The following REEP1 variants were observed in gnomAD, a reference collection of about 807,000 sequenced individuals.
The protein encoded by REEP1 is receptor expression-enhancing protein 1.
In REEP1, 22 loss-of-function variants were observed where a neutral mutation model predicts 40.3. That is an observed-to-expected ratio of 0.55 (90% CI 0.39 to 0.78). The LOEUF is 0.78. Among genes scored for constraint, REEP1 ranks in the 30% least tolerant of loss-of-function variants. The pLI, the probability that REEP1 is intolerant of heterozygous loss-of-function variation, is 0.00. For missense variants in REEP1, 280 were observed against 361.1 expected (o/e 0.78, Z 1.82); for synonymous variants, 116 against 139.2 (o/e 0.83, Z 1.17).
intron 5 of REEP1, among the ~76,000 whole-genome samples, chr2:86,242,256 C>A (rs1310964579): frequency 6.6e-6 from 1 of 152,182 alleles, no homozygotes. Context: ...AAGCAGGGAG[C>A]TGGGACTTTT....
At chr2:86,333,911 G>C (rs1297754679) in intron 1 of REEP1, among the ~76,000 whole-genome samples, 1 of 152,212 alleles carries the variant, frequency 6.6e-6, no homozygotes, top group Non-Finnish European at 1.5e-5. Context: ...AGGAGAAAGA[G>C]AGCTGGCAAG....
intron 5 of REEP1, among the ~76,000 whole-genome samples, chr2:86,240,975 G>T (rs1042379490): frequency 8.5e-5 from 13 of 152,230 alleles, no homozygotes; most frequent in Admixed American, 8.5e-4. Context: ...TGGATGGGAG[G>T]TGAGGAGTGG....
intron 2 of REEP1, chr2:86,280,109 C>G: frequency 2.2e-6 from 1 of 449,772 alleles, no homozygotes; most frequent in Non-Finnish European, 4.5e-6. Context: ...TAAGGAAACT[C>G]GCAGGTTTCT....
At chr2:86,279,108 G>A (rs1210001336) in intron 2 of REEP1, among the ~76,000 whole-genome samples, 1 of 152,286 alleles carries the variant, frequency 6.6e-6, no homozygotes, top group East Asian at 1.9e-4. Context: ...ACTTCTAGGG[G>A]AATGTGTGTC....
intron 8 of REEP1, among the ~76,000 whole-genome samples, chr2:86,219,116 A>T (rs1474923185): frequency 1.3e-5 from 2 of 152,164 alleles, no homozygotes; most frequent in Non-Finnish European, 2.9e-5. Flanking sequence ...CCAGAACTCC[A>T]TCCACATCCT....
At chr2:86,278,974 A>G (rs950246242) in intron 2 of REEP1, among the ~76,000 whole-genome samples, 1 of 152,202 alleles carries the variant, frequency 6.6e-6, no homozygotes, top group African/African-American at 2.4e-5. Context: ...AAATGTCTTG[A>G]GCAATGTTTC....
chr2:86,264,926 G>C (rs558611181), intron 2 of REEP1, among the ~76,000 whole-genome samples: 148 of 152,312 alleles, frequency 9.7e-4, no homozygotes, highest in African/African-American at 3.4e-3. Flanking sequence ...ATGGGGCAGA[G>C]AGAACTCAAT....
chr2:86,320,909 C>T (rs1680247483), intron 1 of REEP1, among the ~76,000 whole-genome samples: 1 of 152,236 alleles, frequency 6.6e-6, no homozygotes, highest in Admixed American at 6.5e-5. Context: ...ACCTCCGCCT[C>T]CTGGGTTCAA....
chr2:86,227,687 C>T (rs528883616), intron 6 of REEP1, among the ~76,000 whole-genome samples: 1 of 152,336 alleles, frequency 6.6e-6, no homozygotes, highest in African/African-American at 2.4e-5. Flanking sequence ...TGGAAAATAA[C>T]TCCAAGCACC....
At chr2:86,263,853 C>A (rs913615730) in intron 3 of REEP1, 112 bp downstream of exon 3, 5 of 788,304 alleles carry the variant, frequency 6.3e-6, no homozygotes, top group Non-Finnish European at 9.2e-6. Context: ...CCTGCTCTTG[C>A]GTCTCTGGCC....
At chr2:86,221,777 G>A (rs1351093074) in intron 7 of REEP1, among the ~76,000 whole-genome samples, 1 of 152,156 alleles carries the variant, frequency 6.6e-6, no homozygotes, top group Non-Finnish European at 1.5e-5. Flanking sequence ...AGTCATCTCA[G>A]AGAGCTCAGC....
chr2:86,272,638 G>A (rs531394788), intron 2 of REEP1, among the ~76,000 whole-genome samples: 13 of 152,220 alleles, frequency 8.5e-5, no homozygotes, highest in Admixed American at 1.3e-4. Context: ...CCTAACACAG[G>A]TAACCAATCC....
intron 2 of REEP1, among the ~76,000 whole-genome samples, chr2:86,278,728 G>T (rs144607566): frequency 1.1e-3 from 161 of 152,284 alleles, no homozygotes; most frequent in African/African-American, 3.8e-3. Flanking sequence ...AGCACAAGCA[G>T]CCAGTGCCCA....
In REEP1 at chr2:86,214,047, A is replaced by G. The variant is rs1389603793; in HGVS notation, c.*2992T>C. On this transcript the variant is annotated 3_prime_UTR_variant, in exon 9 of 9. Transcript: ENST00000538924. Reference sequence around the variant, plus strand: ...TTCAAGATGTGTATCAGGCATTATAACAAAACAGCAGAACTTCAACCTTTG... The same window carrying G: ...TTCAAGATGTGTATCAGGCATTATAGCAAAACAGCAGAACTTCAACCTTTG... The G allele has an allele frequency of 5.1e-6, 1 of 197,280 alleles. No homozygotes were observed. Among genetic ancestry groups the G allele is most frequent in the Non-Finnish European group, 1.0e-5 (1 of 95,926 alleles). 12.2% of individuals were successfully genotyped at this position (197,280 alleles called of 1,614,324 possible).
At position 86,337,514 on chromosome 2, in the gene REEP1, G is replaced by T. The variant is rs1368031824; in HGVS notation, c.-4C>A. 2 of 1,282,906 alleles carry T rather than the reference G, an allele frequency of 1.6e-6. No individual in the cohort carries two copies. Among genetic ancestry groups the T allele is most frequent in the East Asian group, 3.4e-5 (1 of 29,802 alleles). The allele number at this position is 1,282,906 out of a possible 1,614,324, so 79.5% of individuals were successfully genotyped here. A position where few individuals can be genotyped will look rare whatever the true frequency, so the allele number is the denominator to read the frequency against. On this transcript the variant is annotated 5_prime_UTR_variant, in exon 1 of 9. Transcript: ENST00000538924. This position sits in a 1 kb window ranked among gnomAD's most constrained non-coding sequence, Gnocchi z 5.8. ...TGGAGATGATCCATGACACCATGGC[G>T]GGCAGGCGGGCGGGCGAGGCCCGGG...
At position 86,215,890 on chromosome 2, in the gene REEP1, A is replaced by G. The variant is rs1041712477; in HGVS notation, c.*1149T>C. On this transcript the variant is annotated 3_prime_UTR_variant, in exon 9 of 9. Coordinates refer to ENST00000538924, the MANE Select transcript of REEP1 (RefSeq NM_001371279.1). Reference sequence around the variant, plus strand: ...GCCACAGGTGCTCCTGGGTCTGACCAGCAAGTCTAACCCATGAAGATCTCG... The same window carrying G: ...GCCACAGGTGCTCCTGGGTCTGACCGGCAAGTCTAACCCATGAAGATCTCG... 1.3e-5 allele frequency: 2 copies of G among 152,184 alleles called. No individual in the cohort carries two copies. The highest frequency in any genetic ancestry group is 2.9e-5 in the Non-Finnish European group (2 of 68,056). 9.4% of individuals were successfully genotyped at this position (152,184 alleles called of 1,614,324 possible).
intron 5 of REEP1, among the ~76,000 whole-genome samples, chr2:86,243,302 C>T (rs1209569970): frequency 6.6e-6 from 1 of 152,192 alleles, no homozygotes; most frequent in Non-Finnish European, 1.5e-5. Context: ...GCCCTTCCCA[C>T]TCACGCATGA....
intron 1 of REEP1, among the ~76,000 whole-genome samples, chr2:86,310,888 A>C (rs1679731741): frequency 6.6e-6 from 1 of 152,268 alleles, no homozygotes; most frequent in African/African-American, 2.4e-5. Context: ...TCTATGAGTT[A>C]AGAAATACAA....
At position 86,216,163 on chromosome 2, in the gene REEP1, C is replaced by T. The variant is rs1487226841; in HGVS notation, c.*876G>A. 2.0e-5 allele frequency: 3 copies of T among 152,172 alleles called. No individual in the cohort carries two copies. The highest frequency in any genetic ancestry group is 7.2e-5 in the African/African-American group (3 of 41,428). 9.4% of individuals were successfully genotyped at this position (152,172 alleles called of 1,614,324 possible). Reference sequence around the variant, plus strand: ...TTGTCAAGCACAGAATTACTCCTTCCAGCAGCTCTACATGTTCCCATCCTC... The same window carrying T: ...TTGTCAAGCACAGAATTACTCCTTCTAGCAGCTCTACATGTTCCCATCCTC... On this transcript the variant is annotated 3_prime_UTR_variant, in exon 9 of 9. Transcript: ENST00000538924.
Sources: allele counts gnomAD v4.1 joint callset (sites outside exome capture counted in the v4.1 genomes callset), GRCh38; gene constraint gnomAD v4.1.1; non-coding constraint Gnocchi (gnomAD v3.1); transcripts MANE v1.5; gene names NCBI Gene and HGNC (gene_info 2026-07-23, HGNC 2026-07-21).